The following DLGAP2 variants were observed in gnomAD, a reference collection of about 807,000 sequenced individuals.
DLGAP2 encodes DLG associated protein 2.
A neutral mutation model predicts 100.3 loss-of-function variants in DLGAP2; 26 were observed. The observed-to-expected ratio is 0.26, with a 90% CI of 0.19 to 0.36. The LOEUF is 0.36. Ranked by LOEUF, DLGAP2 falls within the 10% of genes least tolerant of loss-of-function variation. The probability of loss-of-function intolerance (pLI) is 1.00; values close to 1 mark genes in which losing one functional copy is unlikely to be tolerated. For missense variants in DLGAP2, 1,858 were observed against 1,453.2 expected (o/e 1.28, Z -4.53); for synonymous variants, 886 against 630.1 (o/e 1.41, Z -6.08).
intron 2 of DLGAP2, among the ~76,000 whole-genome samples, chr8:1,018,435 C>G (rs558769671): frequency 1.3e-5 from 2 of 152,294 alleles, no homozygotes; most frequent in Non-Finnish European, 2.9e-5. Flanking sequence ...AGTGAGTGCC[C>G]TAGCTCTTGG....
At chr8:887,862 T>A (rs1212892229) in intron 1 of DLGAP2, among the ~76,000 whole-genome samples, 1 of 152,202 alleles carries the variant, frequency 6.6e-6, no homozygotes, top group Non-Finnish European at 1.5e-5. Flanking sequence ...GGGGTTGATC[T>A]TCTCATGGAG....
Position 1,701,179 on chromosome 8 carries a change from G to T in DLGAP2, c.2950-9G>T. Reference sequence around the variant, plus strand: ...GCACCTGCCAACGGTGACTTGCGCTGCTTTTCAGGAAGAAAGAAAGGTCCC... The same window carrying T: ...GCACCTGCCAACGGTGACTTGCGCTTCTTTTCAGGAAGAAAGAAAGGTCCC... On this transcript the variant is annotated splice_polypyrimidine_tract_variant and intron_variant, in intron 14 of 14. Transcript: ENST00000637795. The T allele has an allele frequency of 6.4e-7, 1 of 1,553,656 alleles. No individual in the cohort carries two copies. The highest frequency in any genetic ancestry group is 8.7e-7 in the Non-Finnish European group (1 of 1,149,558).
chr8:789,800 T>A (rs1821977996), intron 1 of DLGAP2, among the ~76,000 whole-genome samples: 1 of 152,190 alleles, frequency 6.6e-6, no homozygotes, highest in Admixed American at 6.5e-5. Context: ...AGACCTGGCC[T>A]GTGAAAGAGG....
At chr8:1,626,683 C>T in intron 6 of DLGAP2, 57 bp from the exon 7 acceptor site, 7 of 1,551,578 alleles carry the variant, frequency 4.5e-6, no homozygotes, top group Non-Finnish European at 6.1e-6. Context: ...TCATTCCCAC[C>T]TCTGCCCTGC....
chr8:1,599,511 T>C (rs895260513), intron 6 of DLGAP2, among the ~76,000 whole-genome samples: 1 of 152,164 alleles, frequency 6.6e-6, no homozygotes, highest in African/African-American at 2.4e-5. Flanking sequence ...TTTGTAGGTC[T>C]CTAAGAACTT....
chr8:1,115,168 G>A (rs1563199681), intron 2 of DLGAP2, among the ~76,000 whole-genome samples: 1 of 152,222 alleles, frequency 6.6e-6, no homozygotes, highest in Admixed American at 6.5e-5. Context: ...GCATTCTGTT[G>A]TTTTGGGGTA....
At chr8:1,601,076 G>A (rs1399692451) in intron 6 of DLGAP2, among the ~76,000 whole-genome samples, 3 of 152,078 alleles carry the variant, frequency 2.0e-5, no homozygotes, top group Admixed American at 6.5e-5. Context: ...CCTTTTTATT[G>A]ATGTTGATGC....
At chr8:760,356 A>T (rs936438742) in intron 1 of DLGAP2, among the ~76,000 whole-genome samples, 1 of 151,812 alleles carries the variant, frequency 6.6e-6, no homozygotes, top group East Asian at 1.9e-4. Context: ...TAACCCTTTC[A>T]TCTCTCTCCT....
intron 2 of DLGAP2, among the ~76,000 whole-genome samples, chr8:1,113,820 G>C (rs1159996694): frequency 6.6e-6 from 1 of 152,156 alleles, no homozygotes; most frequent in Non-Finnish European, 1.5e-5. Context: ...GCAGTATGAT[G>C]CTGGCTGTGG....
chr8:1,000,370 T>C (rs1800915801), intron 2 of DLGAP2, among the ~76,000 whole-genome samples: 1 of 151,736 alleles, frequency 6.6e-6, no homozygotes, highest in African/African-American at 2.4e-5. Flanking sequence ...GGATTTTCTC[T>C]AGAGCGGAAA....
intron 4 of DLGAP2, among the ~76,000 whole-genome samples, chr8:1,537,472 C>A (rs572491065): frequency 2.0e-5 from 3 of 152,210 alleles, no homozygotes. Context: ...CCACCACCAC[C>A]CTGCCCCAGT....
chr8:1,639,802 C>A (rs1797854694), intron 8 of DLGAP2, among the ~76,000 whole-genome samples: 1 of 152,210 alleles, frequency 6.6e-6, no homozygotes, highest in Non-Finnish European at 1.5e-5. Context: ...GGCTGCGGGC[C>A]ACATGGCTCC....
intron 2 of DLGAP2, among the ~76,000 whole-genome samples, chr8:1,231,264 A>C (rs958946855): frequency 8.5e-5 from 13 of 152,248 alleles, no homozygotes; most frequent in African/African-American, 2.9e-4. Context: ...TTGTTATAGA[A>C]ATGTAAATCA....
chr8:1,069,717 T>G (rs184164217), intron 2 of DLGAP2, among the ~76,000 whole-genome samples: 12 of 152,350 alleles, frequency 7.9e-5, no homozygotes, highest in Non-Finnish European at 5.9e-5. Context: ...AAAAGTTATT[T>G]GTGCTCGCCA....
chr8:1,340,032 A>G (rs924065754), intron 3 of DLGAP2, among the ~76,000 whole-genome samples: 1 of 152,222 alleles, frequency 6.6e-6, no homozygotes, highest in Admixed American at 6.5e-5. Context: ...TACTGGGAGA[A>G]CTGGCAGGAC....
At chr8:1,065,325 T>C (rs1034478114) in intron 2 of DLGAP2, among the ~76,000 whole-genome samples, 1 of 152,268 alleles carries the variant, frequency 6.6e-6, no homozygotes, top group African/African-American at 2.4e-5. Context: ...GCATTTTTCA[T>C]ATGACTAGCA....
intron 1 of DLGAP2, among the ~76,000 whole-genome samples, chr8:858,552 C>T (rs1405741765): frequency 3.6e-5 from 5 of 138,778 alleles, no homozygotes; most frequent in Admixed American, 2.8e-4. Context: ...TCACCGTGGG[C>T]ACATGTGTGA....
intron 5 of DLGAP2, among the ~76,000 whole-genome samples, chr8:1,565,029 G>A (rs1301773252): frequency 9.9e-5 from 15 of 151,572 alleles, no homozygotes; most frequent in Admixed American, 4.6e-4. Context: ...CGAGGCAGAC[G>A]TATAACACGC....
chr8:1,479,573 G>A (rs189472734), intron 3 of DLGAP2, among the ~76,000 whole-genome samples: 14 of 152,306 alleles, frequency 9.2e-5, no homozygotes, highest in East Asian at 1.9e-4. Flanking sequence ...AAGGCTGTGC[G>A]TTTCATTTCC....
Sources: allele counts gnomAD v4.1 joint callset (sites outside exome capture counted in the v4.1 genomes callset), GRCh38; gene constraint gnomAD v4.1.1; transcripts MANE v1.5; gene names NCBI Gene and HGNC (gene_info 2026-07-23, HGNC 2026-07-21).